The following HS3ST2 variants were observed in gnomAD, a reference collection of about 807,000 sequenced individuals.
The protein encoded by HS3ST2 is heparan sulfate glucosamine 3-O-sulfotransferase 2.
A neutral mutation model predicts 26.3 loss-of-function variants in HS3ST2; 17 were observed. The ratio of observed to expected loss-of-function variants is 0.65; its 90% CI spans 0.44 to 0.97. HS3ST2 has a LOEUF of 0.97. HS3ST2 is among the 50% of genes least tolerant of loss of function. The pLI, the probability that HS3ST2 is intolerant of heterozygous loss-of-function variation, is 0.00. For synonymous variants in HS3ST2, 237 were observed against 219.2 expected, an observed-to-expected ratio of 1.08 and a Z score of -0.72; for missense variants, 402 against 501.2, an observed-to-expected ratio of 0.80 and a Z score of 1.89.
intron 1 of HS3ST2, among the ~76,000 whole-genome samples, chr16:22,867,003 TGAGAACACTTG>T (rs1312669761): frequency 6.6e-6 from 1 of 152,188 alleles, no homozygotes; most frequent in African/African-American, 2.4e-5. Flanking sequence ...TAGAGACTGG[TGAGAACACTTG>T]GAGAAAATCT....
chr16:22,869,501 G>T (rs182230677), intron 1 of HS3ST2, among the ~76,000 whole-genome samples: 67 of 152,268 alleles, frequency 4.4e-4, no homozygotes, highest in Middle Eastern at 3.4e-3. Context: ...AACGAAAGAG[G>T]TTTAATGGAC....
chr16:22,876,456 A>T (rs1294727275), intron 1 of HS3ST2, among the ~76,000 whole-genome samples: 1 of 152,212 alleles, frequency 6.6e-6, no homozygotes, highest in Non-Finnish European at 1.5e-5. Context: ...AAAACATAAT[A>T]GATATTGGCA....
Position 22,846,219 on chromosome 16 carries a change from G to C in HS3ST2, c.485+31124G>C, listed in dbSNP as rs183186728. On this transcript the variant is annotated intron_variant, in intron 1 of 1. Coordinates refer to ENST00000261374, the MANE Select transcript of HS3ST2 (RefSeq NM_006043.2). ...TTGAACCCGGGAGGCAGAGGTTGCA[G>C]TGAGCCGAGATCATGCCACTGCTCT... Among the ~76,000 whole-genome samples the C allele has an allele frequency of 2.1e-3, 319 of 151,992 alleles. 1 individual carries two copies. The highest frequency in any genetic ancestry group is 7.4e-3 in the African/African-American group (308 of 41,456).
chr16:22,857,842 G>T (rs549936883), intron 1 of HS3ST2, among the ~76,000 whole-genome samples: 6 of 152,106 alleles, frequency 3.9e-5, no homozygotes, highest in Non-Finnish European at 8.8e-5. Context: ...CAAACACAGG[G>T]TGTGATTATA....
intron 1 of HS3ST2, among the ~76,000 whole-genome samples, chr16:22,840,264 C>T (rs1035693562): frequency 5.3e-5 from 8 of 152,220 alleles, no homozygotes; most frequent in Admixed American, 1.3e-4. Context: ...AAGATGAATT[C>T]GTGCCACATC....
At chr16:22,818,478 A>G (rs1364018281) in intron 1 of HS3ST2, among the ~76,000 whole-genome samples, 1 of 152,186 alleles carries the variant, frequency 6.6e-6, no homozygotes, top group Non-Finnish European at 1.5e-5. Context: ...ACTAATTACT[A>G]CAACACTCCT....
At chr16:22,874,942 G>T (rs148466619) in intron 1 of HS3ST2, among the ~76,000 whole-genome samples, 42 of 152,248 alleles carry the variant, frequency 2.8e-4, no homozygotes, top group Non-Finnish European at 5.4e-4. Context: ...AGGGGCCAAG[G>T]CTGCACGAAT....
At chr16:22,890,326 T>C (rs993140333) in intron 1 of HS3ST2, among the ~76,000 whole-genome samples, 3 of 152,216 alleles carry the variant, frequency 2.0e-5, no homozygotes, top group African/African-American at 7.2e-5. Flanking sequence ...TTTGAAACCA[T>C]TGAAATGTTT....
In HS3ST2 at chr16:22,897,693, T is replaced by A. The variant is rs1902228746; in HGVS notation, c.486-17251T>A. On this transcript the variant is annotated intron_variant, in intron 1 of 1. Coordinates refer to ENST00000261374, the MANE Select transcript of HS3ST2 (RefSeq NM_006043.2). The stretch of plus-strand genomic sequence containing the variant: ...CTTTAATGAGACTCGTAGCCTGGAG[T>A]TTACGGGGACAGGTACTAGAGTCAA... Among the ~76,000 whole-genome samples, 2 of 92,978 alleles carry A rather than the reference T, an allele frequency of 2.2e-5. 1 individual carries two copies. 61.0% of individuals were successfully genotyped at this position (92,978 alleles called of 152,430 possible).
intron 1 of HS3ST2, among the ~76,000 whole-genome samples, chr16:22,836,366 G>T (rs576877887): frequency 6.6e-5 from 10 of 152,278 alleles, no homozygotes; most frequent in Non-Finnish European, 1.0e-4. Flanking sequence ...TGTACAGGAA[G>T]CACAGTGGCT....
intron 1 of HS3ST2, among the ~76,000 whole-genome samples, chr16:22,899,460 T>C (rs1329483561): frequency 6.6e-6 from 1 of 152,130 alleles, no homozygotes; most frequent in East Asian, 1.9e-4. Flanking sequence ...GGGCAGGGTT[T>C]GGTCATTTGC....
chr16:22,816,628 G>A (rs983671603), intron 1 of HS3ST2, among the ~76,000 whole-genome samples: 2 of 152,172 alleles, frequency 1.3e-5, no homozygotes, highest in Non-Finnish European at 2.9e-5. Flanking sequence ...GGCAGATCTG[G>A]CTTCATGCCA....
intron 1 of HS3ST2, among the ~76,000 whole-genome samples, chr16:22,836,641 G>T (rs1156804802): frequency 6.6e-6 from 1 of 151,816 alleles, no homozygotes; most frequent in Non-Finnish European, 1.5e-5. Flanking sequence ...TGACCGCTGT[G>T]CAAGTTTAGG....
chr16:22,816,377 C>A (rs982485277), intron 1 of HS3ST2, among the ~76,000 whole-genome samples: 1 of 152,214 alleles, frequency 6.6e-6, no homozygotes, highest in African/African-American at 2.4e-5. Context: ...GAGGACCCCA[C>A]TGGGCTTATA....
At chr16:22,858,757 G>A (rs1169773038) in intron 1 of HS3ST2, among the ~76,000 whole-genome samples, 1 of 152,090 alleles carries the variant, frequency 6.6e-6, no homozygotes, top group East Asian at 1.9e-4. Context: ...TGAGGAAAAT[G>A]GTTCCTTCAC....
At chr16:22,900,936 A>C (rs1284440512) in intron 1 of HS3ST2, among the ~76,000 whole-genome samples, 1 of 152,212 alleles carries the variant, frequency 6.6e-6, no homozygotes, top group African/African-American at 2.4e-5. Flanking sequence ...TGGGAAGAAA[A>C]GGAGATATAC....
intron 1 of HS3ST2, among the ~76,000 whole-genome samples, chr16:22,836,488 A>G (rs1901256761): frequency 1.3e-5 from 2 of 152,082 alleles, no homozygotes; most frequent in African/African-American, 2.4e-5. Context: ...ATCAACCATT[A>G]TGTCCTTGTT....
At position 22,851,777 on chromosome 16, in the gene HS3ST2, A is replaced by C. The variant is rs1901522356; in HGVS notation, c.485+36682A>C. On this transcript the variant is annotated intron_variant, in intron 1 of 1. Coordinates refer to ENST00000261374, the MANE Select transcript of HS3ST2 (RefSeq NM_006043.2). ...TTAGATTATTATTCCATAAATATTC[A>C]CTCCCATCTCCCCTCCACTGGGGCA... Among the ~76,000 whole-genome samples the C allele has an allele frequency of 2.0e-5, 3 of 151,904 alleles. No individual in the cohort carries two copies. In the South Asian group the frequency reaches 6.2e-4, roughly 32 times the overall value.
At chr16:22,912,939 G>C (rs1180121097) in intron 1 of HS3ST2, among the ~76,000 whole-genome samples, 1 of 152,016 alleles carries the variant, frequency 6.6e-6, no homozygotes, top group African/African-American at 2.4e-5. Flanking sequence ...CCTGCCTCCG[G>C]AGTCTAGACC....
Sources: allele counts gnomAD v4.1 joint callset (sites outside exome capture counted in the v4.1 genomes callset), GRCh38; gene constraint gnomAD v4.1.1; transcripts MANE v1.5; gene names NCBI Gene and HGNC (gene_info 2026-07-23, HGNC 2026-07-21).